The following HAT1 variants were observed in gnomAD, a reference collection of about 807,000 sequenced individuals.
HAT1 encodes histone acetyltransferase 1, also known as histone acetyltransferase type B catalytic subunit.
Under a neutral mutation model 56.6 loss-of-function variants are expected in HAT1, and 20 were observed. The observed-to-expected ratio is 0.35, with a 90% confidence interval of 0.25 to 0.51. The LOEUF (loss-of-function observed/expected upper bound fraction) is 0.51, where lower values mean the gene tolerates loss of function less well. Ranked by LOEUF, HAT1 falls within the 20% of genes least tolerant of loss-of-function variation. HAT1 has a pLI of 0.95. For synonymous variants in HAT1, 146 were observed against 165.5 expected (o/e 0.88, Z 0.91); for missense variants, 408 against 504.3 (o/e 0.81, Z 1.83).
chr2:171,929,352 C>T (rs1343201907), intron 2 of HAT1, among the ~76,000 whole-genome samples: 3 of 152,108 alleles, frequency 2.0e-5, no homozygotes, highest in Non-Finnish European at 4.4e-5. Flanking sequence ...TATTTACCTA[C>T]ATATTCTGGA....
chr2:171,926,573 A>G (rs1467746281), intron 2 of HAT1, among the ~76,000 whole-genome samples: 2 of 152,072 alleles, frequency 1.3e-5, no homozygotes, highest in Non-Finnish European at 2.9e-5. Context: ...GATTACAGGC[A>G]TGAGCCACCA....
intron 2 of HAT1, among the ~76,000 whole-genome samples, chr2:171,935,299 G>A (rs963574767): frequency 2.8e-5 from 4 of 143,920 alleles, no homozygotes; most frequent in South Asian, 2.3e-4. Flanking sequence ...TGGATCACCC[G>A]AGGTCAGGAG....
At chr2:171,965,728 C>T (rs146402039) in intron 5 of HAT1, 59 bp from the exon 6 acceptor site, 114 of 1,536,940 alleles carry the variant, frequency 7.4e-5, no homozygotes, top group Middle Eastern at 6.9e-4. Flanking sequence ...TTGTGTTCTG[C>T]GGACTTTCAC....
chr2:171,938,032 C>T (rs920299169), intron 2 of HAT1, among the ~76,000 whole-genome samples: 59 of 75,224 alleles, frequency 7.8e-4, no homozygotes, highest in African/African-American at 2.1e-3. Flanking sequence ...GATTCTCTCT[C>T]TCTCTCTCTC....
At chr2:171,981,616 AATT>A (rs1688134577) in intron 10 of HAT1, among the ~76,000 whole-genome samples, 2 of 152,252 alleles carry the variant, frequency 1.3e-5, no homozygotes, top group South Asian at 2.1e-4. Flanking sequence ...CTGAATATAA[AATT>A]ATTATTTGCC....
In HAT1 at chr2:171,974,189, AAAAG is replaced by A. The variant is rs1687896198; in HGVS notation, c.824-1964_824-1961del. On this transcript the variant is annotated intron_variant, in intron 8 of 10. Transcript: ENST00000264108. ...ACCCTGTCTCAAAAAAAAAAAAAAAAAAAGAAAAAAAGAAAAAGAAAAAAAAAAA... is the reference window on the plus strand; with the variant it reads ...ACCCTGTCTCAAAAAAAAAAAAAAAAAAAAAAAGAAAAAGAAAAAAAAAAA... 2.8e-3 allele frequency among the ~76,000 whole-genome samples: 307 copies of A among 108,568 alleles called. 15 individuals are homozygous for A. In the Admixed American group the frequency reaches 0.029, roughly 10 times the overall value. The allele number at this position is 108,568 out of a possible 152,430, so 71.2% of individuals were successfully genotyped here. A position where few individuals can be genotyped will look rare whatever the true frequency, so the allele number is the denominator to read the frequency against.
chr2:171,930,046 A>C (rs762681926), intron 2 of HAT1, among the ~76,000 whole-genome samples: 14 of 152,220 alleles, frequency 9.2e-5, no homozygotes, highest in Non-Finnish European at 1.8e-4. Flanking sequence ...CAGTATATGA[A>C]CATGATGTAT....
At chr2:171,960,967 CCT>C (rs1687558182) in intron 4 of HAT1, among the ~76,000 whole-genome samples, 1 of 152,066 alleles carries the variant, frequency 6.6e-6, no homozygotes, top group African/African-American at 2.4e-5. Context: ...CATGGTGAAA[CCT>C]CATCTCTACC....
At chr2:171,977,394 G>A (rs1687994448) in intron 9 of HAT1, among the ~76,000 whole-genome samples, 1 of 149,024 alleles carries the variant, frequency 6.7e-6, no homozygotes, top group Non-Finnish European at 1.5e-5. Flanking sequence ...CCTGGGAGGC[G>A]GAGGTTGCAG....
At chr2:171,923,760 C>CT (rs1686504978) in intron 1 of HAT1, 2 of 152,214 alleles carry the variant, frequency 1.3e-5, no homozygotes, top group Admixed American at 1.3e-4. Flanking sequence ...AGGACGTACT[C>CT]TAAGAATTAC....
chr2:171,967,579 A>G (rs1687713483), intron 8 of HAT1, among the ~76,000 whole-genome samples: 1 of 152,156 alleles, frequency 6.6e-6, no homozygotes, highest in African/African-American at 2.4e-5. Flanking sequence ...GCATTATTAG[A>G]TGGAGTTTCA....
chr2:171,928,409 T>A (rs986168652), intron 2 of HAT1, among the ~76,000 whole-genome samples: 1 of 152,222 alleles, frequency 6.6e-6, no homozygotes, highest in African/African-American at 2.4e-5. Context: ...TAAATGGAAT[T>A]ATACCATATA....
intron 4 of HAT1, among the ~76,000 whole-genome samples, chr2:171,962,475 A>G (rs1574058011): frequency 6.6e-6 from 1 of 152,124 alleles, no homozygotes; most frequent in African/African-American, 2.4e-5. Context: ...GCTCACTGCA[A>G]CCTCCGCCTC....
chr2:171,928,661 A>G (rs191625374), intron 2 of HAT1, among the ~76,000 whole-genome samples: 5 of 152,136 alleles, frequency 3.3e-5, no homozygotes, highest in Non-Finnish European at 7.4e-5. Context: ...GGCGCCTGCC[A>G]CCACGCCTGG....
rs571709923 is a variant in HAT1, at chr2:171,931,789, C to G, written c.112+6148C>G. Among the ~76,000 whole-genome samples the G allele has an allele frequency of 8.5e-5, 13 of 152,254 alleles. No homozygotes were observed. The East Asian group carries it at 2.5e-3, about 29-fold the overall frequency. ...ATTGGTTGAATCAGTGGATGTGGAACCTGCATATGTGGAGAGCCACTTGTG... is the reference window on the plus strand; with the variant it reads ...ATTGGTTGAATCAGTGGATGTGGAAGCTGCATATGTGGAGAGCCACTTGTG... On this transcript the variant is annotated intron_variant, in intron 2 of 10. Coordinates refer to ENST00000264108, the MANE Select transcript of HAT1 (RefSeq NM_003642.4).
At chr2:171,948,370 G>A (rs1352080530) in intron 3 of HAT1, among the ~76,000 whole-genome samples, 2 of 151,984 alleles carry the variant, frequency 1.3e-5, no homozygotes, top group Non-Finnish European at 2.9e-5. Context: ...GATTACAGGC[G>A]CCCGCCACCA....
intron 9 of HAT1, among the ~76,000 whole-genome samples, chr2:171,979,002 G>T (rs537787343): frequency 6.6e-6 from 1 of 152,054 alleles, no homozygotes; most frequent in Admixed American, 6.6e-5. Flanking sequence ...GAGGTGGGAG[G>T]ATGGCTTGAG....
At chr2:171,935,914 G>T (rs925638114) in intron 2 of HAT1, among the ~76,000 whole-genome samples, 1 of 151,898 alleles carries the variant, frequency 6.6e-6, no homozygotes, top group Non-Finnish European at 1.5e-5. Context: ...AGAATTGGGG[G>T]TATAGGGAGT....
At chr2:171,926,861 G>A (rs1686611605) in intron 2 of HAT1, among the ~76,000 whole-genome samples, 1 of 152,244 alleles carries the variant, frequency 6.6e-6, no homozygotes, top group South Asian at 2.1e-4. Context: ...AATGTTCATA[G>A]CTGCGTTATT....
Sources: allele counts gnomAD v4.1 joint callset (sites outside exome capture counted in the v4.1 genomes callset), GRCh38; gene constraint gnomAD v4.1.1; transcripts MANE v1.5; gene names NCBI Gene and HGNC (gene_info 2026-07-23, HGNC 2026-07-21).